Variants in PIK3C2G observed in about 807,000 individuals in gnomAD.
PIK3C2G encodes the protein phosphatidylinositol 3-kinase C2 domain-containing subunit gamma.
PIK3C2G carries 168 observed loss-of-function variants against 181.1 expected under a neutral mutation model. The observed-to-expected ratio is 0.93, with a 90% CI of 0.82 to 1.05. The LOEUF (loss-of-function observed/expected upper bound fraction) is 1.05, where lower values mean the gene tolerates loss of function less well. PIK3C2G is among the 50% of genes least tolerant of loss of function. The probability of loss-of-function intolerance (pLI) is 0.00; values close to 1 mark genes in which losing one functional copy is unlikely to be tolerated. For synonymous variants in PIK3C2G, 573 were observed against 592.2 expected (o/e 0.97, Z 0.47); for missense variants, 1,869 against 1,732.8 (o/e 1.08, Z -1.40).
chr12:18,379,828 T>A (rs770333747), intron 13 of PIK3C2G, among the ~76,000 whole-genome samples: 1 of 152,138 alleles, frequency 6.6e-6, no homozygotes, highest in Non-Finnish European at 1.5e-5. Context: ...CCAGGTTGGA[T>A]GGTCCTATCA....
intron 8 of PIK3C2G, among the ~76,000 whole-genome samples, chr12:18,331,176 C>A (rs543612389): frequency 1.3e-5 from 2 of 152,150 alleles, no homozygotes; most frequent in South Asian, 4.1e-4. Context: ...TATAAGTTCT[C>A]CAAAATCATT....
the PIK3C2G span, among the ~76,000 whole-genome samples, chr12:18,704,959 G>GTA: frequency 5.9e-5 from 9 of 151,884 alleles, no homozygotes; most frequent in South Asian, 2.1e-4. Flanking sequence ...TGGGTTGTAT[G>GTA]TATATATATA....
At chr12:18,488,853 A>G (rs973097111) in intron 19 of PIK3C2G, among the ~76,000 whole-genome samples, 7 of 152,082 alleles carry the variant, frequency 4.6e-5, no homozygotes, top group Non-Finnish European at 1.0e-4. Flanking sequence ...TGTGACACAC[A>G]GAGAGAACCT....
intron 8 of PIK3C2G, among the ~76,000 whole-genome samples, chr12:18,328,911 G>A (rs1279824820): frequency 9.2e-5 from 14 of 151,870 alleles, no homozygotes; most frequent in Non-Finnish European, 2.9e-5. Flanking sequence ...CAAAAAAAGT[G>A]TAAGAAAATT....
the PIK3C2G span, among the ~76,000 whole-genome samples, chr12:18,677,736 T>C: frequency 6.6e-6 from 1 of 152,094 alleles, no homozygotes; most frequent in African/African-American, 2.4e-5. Flanking sequence ...TCAGATAAGG[T>C]TAAGAACAAC....
At chr12:18,396,641 A>G (rs1338714491) in intron 15 of PIK3C2G, among the ~76,000 whole-genome samples, 1 of 151,740 alleles carries the variant, frequency 6.6e-6, no homozygotes, top group Non-Finnish European at 1.5e-5. Context: ...GTGTTCCAGT[A>G]AAAATATATA....
the PIK3C2G span, among the ~76,000 whole-genome samples, chr12:18,724,256 C>G: frequency 6.6e-6 from 1 of 151,924 alleles, no homozygotes; most frequent in Non-Finnish European, 1.5e-5. Context: ...TGAATAGACA[C>G]TAAAGAACAG....
chr12:18,709,360 G>A, the PIK3C2G span, among the ~76,000 whole-genome samples: 2 of 152,072 alleles, frequency 1.3e-5, no homozygotes, highest in East Asian at 3.9e-4. Flanking sequence ...TCTCTATTCT[G>A]TTCCACTGGT....
chr12:18,509,191 A>G (rs904085862), intron 24 of PIK3C2G, among the ~76,000 whole-genome samples: 13 of 152,082 alleles, frequency 8.5e-5, no homozygotes, highest in Admixed American at 6.5e-5. Flanking sequence ...AGCTGTAATT[A>G]CATGCCACCA....
intron 31 of PIK3C2G, among the ~76,000 whole-genome samples, chr12:18,617,614 T>A (rs1390565737): frequency 1.3e-5 from 2 of 152,104 alleles, no homozygotes; most frequent in Non-Finnish European, 2.9e-5. Flanking sequence ...GCATTAGCAG[T>A]CTATTTTTCT....
chr12:18,547,296 C>T (rs939285950), intron 26 of PIK3C2G, among the ~76,000 whole-genome samples: 11 of 151,872 alleles, frequency 7.2e-5, no homozygotes. Context: ...AATTGCTTCC[C>T]ACTCCAATGG....
At chr12:18,573,336 A>C (rs1360190514) in intron 29 of PIK3C2G, among the ~76,000 whole-genome samples, 3 of 152,164 alleles carry the variant, frequency 2.0e-5, no homozygotes, top group Non-Finnish European at 2.9e-5. Flanking sequence ...TATTCCTCAG[A>C]TACAGCCATC....
intron 19 of PIK3C2G, among the ~76,000 whole-genome samples, chr12:18,490,146 G>A (rs1940423942): frequency 6.6e-6 from 1 of 152,102 alleles, no homozygotes; most frequent in African/African-American, 2.4e-5. Context: ...AATGAAGGGA[G>A]CAGAGATTCC....
intron 18 of PIK3C2G, among the ~76,000 whole-genome samples, chr12:18,430,471 C>CT (rs1362907697): frequency 1.3e-5 from 2 of 152,166 alleles, no homozygotes; most frequent in South Asian, 2.1e-4. Context: ...ATGTAAGGAT[C>CT]TTTTTTCTGC....
chr12:18,602,273 C>T (rs1317832054), intron 30 of PIK3C2G, among the ~76,000 whole-genome samples: 2 of 152,090 alleles, frequency 1.3e-5, no homozygotes, highest in East Asian at 1.9e-4. Context: ...CCCCACTTCC[C>T]TGACAACATG....
the PIK3C2G span, among the ~76,000 whole-genome samples, chr12:18,662,765 C>T: frequency 1.3e-5 from 2 of 152,110 alleles, no homozygotes; most frequent in East Asian, 1.9e-4. Flanking sequence ...TGAAGTTAAG[C>T]TGTTATAAAA....
rs917397620 is a variant in PIK3C2G, at chr12:18,371,417, T to C, written c.1880+106T>C. On this transcript the variant is annotated intron_variant, in intron 13 of 32. Transcript: ENST00000538779. ...TAATGAGGAAATCAAGACATTTTATTCTAAAATTGACATAGTTCAATATAA... is the reference window on the plus strand; with the variant it reads ...TAATGAGGAAATCAAGACATTTTATCCTAAAATTGACATAGTTCAATATAA... 27 of 933,518 alleles carry C rather than the reference T, an allele frequency of 2.9e-5. No homozygotes were observed. In the East Asian group the frequency reaches 4.9e-4, roughly 17 times the overall value. The allele number at this position is 933,518 out of a possible 1,614,324, so 57.8% of individuals were successfully genotyped here. A position where few individuals can be genotyped will look rare whatever the true frequency, so the allele number is the denominator to read the frequency against.
chr12:18,274,369 C>T (rs1307871260), intron 1 of PIK3C2G, among the ~76,000 whole-genome samples: 8 of 152,168 alleles, frequency 5.3e-5, no homozygotes. Context: ...TTTATTGCGG[C>T]ACTATTCCCA....
intron 1 of PIK3C2G, among the ~76,000 whole-genome samples, chr12:18,271,052 G>C (rs567390970): frequency 5.0e-4 from 76 of 152,090 alleles, no homozygotes; most frequent in Non-Finnish European, 9.3e-4. Context: ...GTTCTTTTGT[G>C]ACACTCTAGT....
Sources: gnomAD v4.1 joint callset for allele counts (sites outside exome capture counted in the v4.1 genomes callset) on GRCh38, gnomAD v4.1.1 for gene constraint, MANE v1.5 for transcripts, NCBI Gene and HGNC (gene_info 2026-07-23, HGNC 2026-07-21) for gene names.